Variants in FRRS1 observed in about 807,000 individuals in gnomAD.
The protein encoded by FRRS1 is ferric chelate reductase 1, also known as ferric reductase 1.
A neutral mutation model predicts 70.7 loss-of-function variants in FRRS1; 51 were observed. That is an observed-to-expected ratio of 0.72 (90% CI 0.58 to 0.91). The LOEUF (loss-of-function observed/expected upper bound fraction) is 0.91. FRRS1 is among the 40% of genes least tolerant of loss of function. FRRS1 has a pLI of 0.00. For synonymous variants in FRRS1, 225 were observed against 238.7 expected (o/e 0.94, Z 0.53); for missense variants, 672 against 726.0 (o/e 0.93, Z 0.86).
At chr1:99,730,032 C>T (rs1043239717) in intron 7 of FRRS1, among the ~76,000 whole-genome samples, 5 of 152,146 alleles carry the variant, frequency 3.3e-5, no homozygotes, top group African/African-American at 7.2e-5. Flanking sequence ...ACTAATCGAA[C>T]ACCACTTTAA....
chr1:99,711,660 T>C (rs1015696114), intron 14 of FRRS1: 1 of 159,222 alleles, frequency 6.3e-6, no homozygotes, highest in Non-Finnish European at 1.4e-5. Context: ...TTATACAAGG[T>C]ATCAAAATAT....
At chr1:99,713,408 T>TA (rs1288327386) in intron 12 of FRRS1, among the ~76,000 whole-genome samples, 1 of 152,220 alleles carries the variant, frequency 6.6e-6, no homozygotes, top group East Asian at 1.9e-4. Context: ...CTGAATAAAA[T>TA]AAAGTTCTCA....
intron 2 of FRRS1, 28 bp from the exon 3 acceptor site, chr1:99,748,796 T>C (rs1235094600): frequency 1.6e-5 from 25 of 1,530,684 alleles, no homozygotes; most frequent in Non-Finnish European, 2.1e-5. Context: ...AAGCCCATTA[T>C]TGTCATATAT....
Position 99,762,681 on chromosome 1 carries a change from C to T in FRRS1, c.-106+3926G>A, listed in dbSNP as rs139265914. ...TCTGAAGTGAAATTCATATTTTCCT[C>T]CAGACTAGTTTTTGAACCTCACTTT... On this transcript the variant is annotated intron_variant, in intron 1 of 16. Coordinates refer to ENST00000646001, the MANE Select transcript of FRRS1 (RefSeq NM_001361041.2). Among the ~76,000 whole-genome samples the T allele has an allele frequency of 2.5e-3, 380 of 152,216 alleles. 1 individual carries two copies. The highest frequency in any genetic ancestry group is 8.8e-3 in the African/African-American group (366 of 41,532).
At chr1:99,732,763 AG>A (rs1271037559) in intron 7 of FRRS1, among the ~76,000 whole-genome samples, 2 of 152,140 alleles carry the variant, frequency 1.3e-5, no homozygotes, top group East Asian at 3.8e-4. Context: ...CTTTAAGAAA[AG>A]AACAGTTTTT....
intron 4 of FRRS1, among the ~76,000 whole-genome samples, chr1:99,747,078 C>A (rs1361940167): frequency 1.3e-5 from 2 of 149,886 alleles, no homozygotes; most frequent in African/African-American, 5.0e-5. Flanking sequence ...TCTTGTCTAG[C>A]TTACTTTATT....
chr1:99,743,444 T>C (rs992695870), intron 4 of FRRS1, among the ~76,000 whole-genome samples: 4 of 152,182 alleles, frequency 2.6e-5, no homozygotes, highest in Admixed American at 2.6e-4. Context: ...ACAAACTGCA[T>C]AGGCTAGAAA....
intron 1 of FRRS1, among the ~76,000 whole-genome samples, chr1:99,754,283 T>C (rs1163710749): frequency 6.6e-6 from 1 of 152,060 alleles, no homozygotes; most frequent in Non-Finnish European, 1.5e-5. Flanking sequence ...CTAGGCAACA[T>C]AATGAGACTG....
Position 99,737,478 on chromosome 1 carries a change from G to A in FRRS1, c.759+608C>T, listed in dbSNP as rs1655729934. On this transcript the variant is annotated intron_variant, in intron 7 of 16. Coordinates refer to ENST00000646001, the MANE Select transcript of FRRS1 (RefSeq NM_001361041.2). ...CATTACAAAAAACATGACATTTTAT[G>A]CAGAACAACTTTTCTTAACTGTATT... 2.6e-5 allele frequency among the ~76,000 whole-genome samples: 4 copies of A among 152,204 alleles called. No individual in the cohort carries two copies. In the South Asian group the frequency reaches 8.3e-4, roughly 32 times the overall value.
rs1304111244 is a variant in FRRS1, at chr1:99,728,539, T to C, written c.960A>G (p.Leu320=). ...CTAGAAATATGTAATAGCTTGTGTT[T>C]AGATCAAATCTATTCTTAACTCCAG... ...TLPGVKNRFD[L]NTSYYIFLAD... Residue 320 remains leucine, a synonymous_variant, in exon 9 of 17, where the codon CTA becomes CTG. Transcript: ENST00000646001. 1 of 1,613,102 alleles carries C rather than the reference T, an allele frequency of 6.2e-7. No homozygotes were observed. The highest frequency in any genetic ancestry group is 1.7e-5 in the Admixed American group (1 of 60,012).
At chr1:99,717,383 T>C (rs972054496) in intron 11 of FRRS1, 27 bp downstream of exon 11, 1 of 1,301,200 alleles carries the variant, frequency 7.7e-7, no homozygotes, top group Non-Finnish European at 1.1e-6. Flanking sequence ...CTATGAATAT[T>C]GCATTGAACT....
chr1:99,727,086 C>T (rs1655114146), intron 9 of FRRS1, among the ~76,000 whole-genome samples: 1 of 152,194 alleles, frequency 6.6e-6, no homozygotes, highest in Admixed American at 6.5e-5. Context: ...GTTTACTTGT[C>T]TGGGCAAATT....
chr1:99,719,407 C>CAAAAA (rs71854810), intron 10 of FRRS1, 127 bp downstream of exon 10: 40 of 390,192 alleles, frequency 1.0e-4, no homozygotes, highest in African/African-American at 2.3e-4. Context: ...GACTCCATCT[C>CAAAAA]AAAAAAAAAA....
intron 9 of FRRS1, among the ~76,000 whole-genome samples, chr1:99,726,945 G>A (rs781221936): frequency 6.6e-6 from 1 of 152,104 alleles, no homozygotes; most frequent in African/African-American, 2.4e-5. Flanking sequence ...GAACTCCTGG[G>A]CTCAAGCAAT....
At chr1:99,746,345 A>G (rs1457799721) in intron 4 of FRRS1, among the ~76,000 whole-genome samples, 4 of 152,188 alleles carry the variant, frequency 2.6e-5, no homozygotes, top group Non-Finnish European at 5.9e-5. Context: ...GGATTACACC[A>G]TTGAAGATAC....
In FRRS1 at chr1:99,705,297, A is replaced by T. The variant is rs1236292040; in HGVS notation, c.*3731T>A. On this transcript the variant is annotated 3_prime_UTR_variant, in exon 17 of 17. Transcript: ENST00000646001. ...ACTGAGAAGGGCATTCCAGGCTGGT[A>T]ACCATCTGTGACCTGGGTGCAGAGA... Among the ~76,000 whole-genome samples the T allele has an allele frequency of 6.6e-6, 1 of 152,218 alleles. No homozygotes were observed. The highest frequency in any genetic ancestry group is 1.5e-5 in the Non-Finnish European group (1 of 68,040).
In FRRS1 at chr1:99,717,537, A is replaced by C; in HGVS notation, c.1121-12T>G. On this transcript the variant is annotated splice_polypyrimidine_tract_variant and intron_variant, in intron 10 of 16. Coordinates refer to ENST00000646001, the MANE Select transcript of FRRS1 (RefSeq NM_001361041.2). ...AAACATTAAGGCACCTACAAGTGAG[A>C]TAAATGCAATAGTAGACAATCACAA... 6.6e-7 allele frequency: 1 copy of C among 1,508,754 alleles called. No homozygotes were observed. The highest frequency in any genetic ancestry group is 9.2e-7 in the Non-Finnish European group (1 of 1,084,076). 93.5% of individuals were successfully genotyped at this position (1,508,754 alleles called of 1,614,324 possible). A position where few individuals can be genotyped will look rare whatever the true frequency, so the allele number is the denominator to read the frequency against.
At chr1:99,753,464 T>TG (rs2100991937) in intron 1 of FRRS1, among the ~76,000 whole-genome samples, 1 of 151,956 alleles carries the variant, frequency 6.6e-6, no homozygotes, top group East Asian at 1.9e-4. Flanking sequence ...CAAAGTGAAG[T>TG]GCCATAAAAC....
At chr1:99,719,701 A>G (rs1175991591) in intron 9 of FRRS1, 54 bp from the exon 10 acceptor site, 8 of 992,148 alleles carry the variant, frequency 8.1e-6, no homozygotes, top group Middle Eastern at 2.1e-4. Context: ...TTCCTCAAAT[A>G]AAAAAGGAAT....
Sources: gnomAD v4.1 joint callset for allele counts (sites outside exome capture counted in the v4.1 genomes callset) on GRCh38, gnomAD v4.1.1 for gene constraint, MANE v1.5 for transcripts, NCBI Gene and HGNC (gene_info 2026-07-23, HGNC 2026-07-21) for gene names.